Variants in WDR43 observed in about 807,000 individuals in gnomAD.
The protein encoded by WDR43 is WD repeat-containing protein 43.
A neutral mutation model predicts 91.4 loss-of-function variants in WDR43; 13 were observed. The observed-to-expected ratio is 0.14, with a 90% CI of 0.09 to 0.23. The LOEUF is 0.23. Ranked by LOEUF, WDR43 falls within the 10% of genes least tolerant of loss-of-function variation. The probability of loss-of-function intolerance (pLI) is 1.00; values close to 1 mark genes in which losing one functional copy is unlikely to be tolerated. For missense variants in WDR43, 780 were observed against 809.4 expected, an observed-to-expected ratio of 0.96 and a Z score of 0.44; for synonymous variants, 331 against 287.9, an observed-to-expected ratio of 1.15 and a Z score of -1.51.
chr2:28,902,103 A>G lies in WDR43; in HGVS notation c.342A>G (p.Gly114=). The G allele has an allele frequency of 6.3e-7, 1 of 1,576,902 alleles. No individual in the cohort carries two copies. The highest frequency in any genetic ancestry group is 8.6e-7 in the Non-Finnish European group (1 of 1,163,066). ...TTTTATTATACAGCACAGTAAAAGG[A>G]GAGTTACACAGTAAATTAATAGTAA... The part of the protein sequence containing the change: ...GSILLYSTVK[G]ELHSKLISGG... The change falls in exon 2 of 18, where the codon GGA becomes GGG. Residue 114 remains glycine (G), a synonymous_variant. Transcript: ENST00000407426.
Position 28,917,771 on chromosome 2 carries a change from C to G in WDR43, c.747-122C>G, listed in dbSNP as rs115047758. The G allele has an allele frequency of 2.0e-3, 1,622 of 830,610 alleles. 18 individuals carry two copies. The African/African-American group carries it at 0.023, about 12-fold the overall frequency. The allele number at this position is 830,610 out of a possible 1,614,324, so 51.5% of individuals were successfully genotyped here. A position where few individuals can be genotyped will look rare whatever the true frequency, so the allele number is the denominator to read the frequency against. ...GATCTTTAGTCACTTTACTAGTTTTCAAAAGATGACAAAGCTATTGGGAAT... is the reference window on the plus strand; with the variant it reads ...GATCTTTAGTCACTTTACTAGTTTTGAAAAGATGACAAAGCTATTGGGAAT... On this transcript the variant is annotated intron_variant, in intron 5 of 17. Coordinates refer to ENST00000407426, the MANE Select transcript of WDR43 (RefSeq NM_015131.3).
Position 28,936,772 on chromosome 2 carries a change from A to G in WDR43, c.1525-150A>G, listed in dbSNP as rs538997193. On this transcript the variant is annotated intron_variant, in intron 12 of 17. Coordinates refer to ENST00000407426, the MANE Select transcript of WDR43 (RefSeq NM_015131.3). ...CTTTTATCAGCTAATTACTCTGATT[A>G]TGGGAATGTATTCATAGACTGTATT... The G allele has an allele frequency of 1.3e-4, 93 of 725,586 alleles. No individual in the cohort carries two copies. In the South Asian group the frequency reaches 1.6e-3, roughly 13 times the overall value. 44.9% of individuals were successfully genotyped at this position (725,586 alleles called of 1,614,324 possible). A position where few individuals can be genotyped will look rare whatever the true frequency, so the allele number is the denominator to read the frequency against.
intron 14 of WDR43, among the ~76,000 whole-genome samples, chr2:28,939,856 C>G (rs1671400732): frequency 6.6e-6 from 1 of 151,960 alleles, no homozygotes; most frequent in Non-Finnish European, 1.5e-5. Context: ...ACCTGTAATC[C>G]CTGCACTTTG....
At chr2:28,920,224 CTTTTTTTTTTTTTT>C (rs751048652) in intron 6 of WDR43, among the ~76,000 whole-genome samples, 1 of 108,072 alleles carries the variant, frequency 9.3e-6, no homozygotes, top group Admixed American at 1.1e-4. Context: ...TTTTTTCTTT[CTTTTTTTTTTTTTT>C]TTTTTGAGAC....
chr2:28,909,845 C>A (rs991821003), intron 3 of WDR43, among the ~76,000 whole-genome samples: 2 of 152,168 alleles, frequency 1.3e-5, no homozygotes, highest in Admixed American at 6.5e-5. Flanking sequence ...CTGCACTCTG[C>A]CTGGGCAACA....
intron 15 of WDR43, 139 bp from the exon 16 acceptor site, chr2:28,942,173 G>C (rs1671450260): frequency 1.4e-6 from 1 of 719,244 alleles, no homozygotes; most frequent in Non-Finnish European, 2.4e-6. Flanking sequence ...TTTTTGCTCT[G>C]TATTGTATGA....
chr2:28,902,766 C>G (rs899117243), intron 2 of WDR43, among the ~76,000 whole-genome samples: 1 of 152,182 alleles, frequency 6.6e-6, no homozygotes, highest in Non-Finnish European at 1.5e-5. Flanking sequence ...ACCTATGGAT[C>G]GAGCTGGGAA....
At chr2:28,900,227 G>A (rs1347809617) in intron 1 of WDR43, among the ~76,000 whole-genome samples, 5 of 152,038 alleles carry the variant, frequency 3.3e-5, no homozygotes, top group Admixed American at 2.0e-4. Context: ...AGTCTCTGTC[G>A]CCCAGGCTGG....
At chr2:28,894,990 T>G in intron 1 of WDR43, 67 bp downstream of exon 1, 2 of 1,400,490 alleles carry the variant, frequency 1.4e-6, no homozygotes, top group Non-Finnish European at 1.9e-6. Flanking sequence ...CCGGGCCGGG[T>G]GGCGCGTGGT....
At chr2:28,946,316 T>C in intron 16 of WDR43, 134 bp from the exon 17 acceptor site, 6 of 949,038 alleles carry the variant, frequency 6.3e-6, no homozygotes, top group Non-Finnish European at 8.8e-6. Flanking sequence ...AATAATGTTA[T>C]TTCTTAGTTG....
chr2:28,938,495 T>C (rs1470942992), intron 14 of WDR43, among the ~76,000 whole-genome samples: 1 of 152,078 alleles, frequency 6.6e-6, no homozygotes, highest in East Asian at 1.9e-4. Context: ...AAAAAAAAAT[T>C]GTATTCATAA....
rs138576317 is a variant in WDR43 at position 28,917,799 on chromosome 2, CAT to C, written c.747-93_747-92del. On this transcript the variant is annotated intron_variant, in intron 5 of 17. Coordinates refer to ENST00000407426, the MANE Select transcript of WDR43 (RefSeq NM_015131.3). ...AAGATGACAAAGCTATTGGGAATCT[CAT>C]GTGCTGATCTCCATGCCTCCTTAGG... The C allele has an allele frequency of 3.0e-3, 3,231 of 1,063,488 alleles. 77 individuals are homozygous for C. In the African/African-American group the frequency reaches 0.047, roughly 15 times the overall value. The allele number at this position is 1,063,488 out of a possible 1,614,324, so 65.9% of individuals were successfully genotyped here. A position where few individuals can be genotyped will look rare whatever the true frequency, so the allele number is the denominator to read the frequency against.
At position 28,946,685 on chromosome 2, in the gene WDR43, A is replaced by G; in HGVS notation, c.1940A>G (p.Asp647Gly). 1 of 1,572,020 alleles carries G rather than the reference A, an allele frequency of 6.4e-7. No homozygotes were observed. The highest frequency in any genetic ancestry group is 1.4e-5 in the African/African-American group (1 of 74,010). ...GAAGATGAGGATGCCGAAGGAAAAGATGAAGAAAATGGCGAGGACAGAGAT... is the reference window on the plus strand; with the variant it reads ...GAAGATGAGGATGCCGAAGGAAAAGGTGAAGAAAATGGCGAGGACAGAGAT... ...EEEDEDAEGK[D>G]EENGEDRDTA... The change falls in exon 18 of 18, where the codon GAT (aspartate) becomes GGT (glycine). Residue 647 changes from aspartate (D) to glycine (G), a missense_variant. Coordinates refer to ENST00000407426, the MANE Select transcript of WDR43 (RefSeq NM_015131.3).
chr2:28,929,215 A>G (rs570562986), intron 10 of WDR43, among the ~76,000 whole-genome samples: 4 of 152,154 alleles, frequency 2.6e-5, no homozygotes, highest in Non-Finnish European at 5.9e-5. Context: ...ACACCAAGGG[A>G]TAGTTATAGT....
At chr2:28,932,375 A>T (rs531476051) in intron 11 of WDR43, among the ~76,000 whole-genome samples, 23 of 152,208 alleles carry the variant, frequency 1.5e-4, no homozygotes, top group Middle Eastern at 3.4e-3. Flanking sequence ...GTTTGCCAGG[A>T]TGGTCTCAGA....
At chr2:28,912,803 A>G in intron 4 of WDR43, 93 bp downstream of exon 4, 1 of 1,475,982 alleles carries the variant, frequency 6.8e-7, no homozygotes, top group East Asian at 2.4e-5. Context: ...TTTTAAGAAT[A>G]CAAATTCTTC....
rs367581426 is a variant in WDR43, at chr2:28,906,227, A to G, written c.364-233A>G. Among the ~76,000 whole-genome samples, 18 of 152,164 alleles carry G rather than the reference A, an allele frequency of 1.2e-4. No individual in the cohort carries two copies. The South Asian group carries it at 3.3e-3, about 28-fold the overall frequency. On this transcript the variant is annotated intron_variant, in intron 2 of 17. Transcript: ENST00000407426. ...CTACATCTCTAACATGGTCGCCTCTATTTGCCTTTCACATCCTCTGCCAAT... is the reference window on the plus strand; with the variant it reads ...CTACATCTCTAACATGGTCGCCTCTGTTTGCCTTTCACATCCTCTGCCAAT...
At chr2:28,912,277 C>G (rs1278751249) in intron 3 of WDR43, among the ~76,000 whole-genome samples, 2 of 152,142 alleles carry the variant, frequency 1.3e-5, no homozygotes, top group Non-Finnish European at 2.9e-5. Context: ...TCTCCTGGGT[C>G]ACAGGATGTA....
At chr2:28,909,380 G>A (rs1052166940) in intron 3 of WDR43, among the ~76,000 whole-genome samples, 3 of 152,062 alleles carry the variant, frequency 2.0e-5, no homozygotes, top group African/African-American at 7.2e-5. Context: ...TGATCCACCC[G>A]CCTCGGCCTC....
Sources: allele counts gnomAD v4.1 joint callset (sites outside exome capture counted in the v4.1 genomes callset), GRCh38; gene constraint gnomAD v4.1.1; transcripts MANE v1.5; gene names NCBI Gene and HGNC (gene_info 2026-07-23, HGNC 2026-07-21).